The following SLC26A4 variants were observed in gnomAD, a reference collection of about 807,000 sequenced individuals.
SLC26A4 encodes the protein pendrin.
Under a neutral mutation model 90.4 loss-of-function variants are expected in SLC26A4, and 93 were observed. That is an observed-to-expected ratio of 1.03 (90% confidence interval 0.87 to 1.22). The LOEUF is 1.22. SLC26A4 is among the 50% of genes most tolerant of loss of function. The pLI is 0.00. For synonymous variants in SLC26A4, 393 were observed against 354.6 expected (o/e 1.11, Z -1.22); for missense variants, 1,127 against 946.2 (o/e 1.19, Z -2.51).
intron 2 of SLC26A4, among the ~76,000 whole-genome samples, chr7:107,662,601 C>T (rs1310889794): frequency 6.6e-6 from 1 of 152,154 alleles, no homozygotes; most frequent in Non-Finnish European, 1.5e-5. Flanking sequence ...TATTTTACTG[C>T]ATATCTTTAA....
At chr7:107,701,288 T>G in intron 16 of SLC26A4, 92 bp downstream of exon 16, 1 of 799,660 alleles carries the variant, frequency 1.3e-6, no homozygotes, top group Non-Finnish European at 2.2e-6. Flanking sequence ...TCCTCTTTAG[T>G]ATCCAGATGT....
At chr7:107,708,023 G>A (rs1286152636) in intron 18 of SLC26A4, among the ~76,000 whole-genome samples, 1 of 152,144 alleles carries the variant, frequency 6.6e-6, no homozygotes, top group African/African-American at 2.4e-5. Context: ...TGAAATCTCT[G>A]TTTTCTAGGC....
At position 107,692,117 on chromosome 7, in the gene SLC26A4, T is replaced by C. The variant is rs1423606788; in HGVS notation, c.1263+1880T>C. 4 of 1,283,712 alleles carry C rather than the reference T, an allele frequency of 3.1e-6. No homozygotes were observed. The South Asian group carries it at 5.0e-5, about 16-fold the overall frequency. The allele number at this position is 1,283,712 out of a possible 1,614,324, so 79.5% of individuals were successfully genotyped here. Reference sequence around the variant, plus strand: ...GTAAAGTGACCTCCTTGGCACAGGGTTTGGGGGATAATGGTGCTCTGGTAA... The same window carrying C: ...GTAAAGTGACCTCCTTGGCACAGGGCTTGGGGGATAATGGTGCTCTGGTAA... On this transcript the variant is annotated intron_variant, in intron 10 of 20. Coordinates refer to ENST00000644269, the MANE Select transcript of SLC26A4 (RefSeq NM_000441.2).
In SLC26A4 at chr7:107,683,198, A is replaced by T; in HGVS notation, c.766-4A>T. ...AAGTATATAAAATTATTTTCTTTTT[A>T]TAGACGCTGGTTGAGATTTTTCAAA... On this transcript the variant is annotated splice_region_variant and splice_polypyrimidine_tract_variant and intron_variant, in intron 6 of 20. Transcript: ENST00000644269. 1.2e-6 allele frequency: 2 copies of T among 1,610,132 alleles called. No homozygotes were observed. The highest frequency in any genetic ancestry group is 1.7e-6 in the Non-Finnish European group (2 of 1,178,302).
intron 17 of SLC26A4, among the ~76,000 whole-genome samples, chr7:107,703,180 T>C (rs965477326): frequency 2.0e-5 from 3 of 152,142 alleles, no homozygotes; most frequent in Admixed American, 2.0e-4. Flanking sequence ...ATAACAATTG[T>C]AGTAAGTGCT....
chr7:107,682,502 G>T (rs1448576167), intron 6 of SLC26A4, among the ~76,000 whole-genome samples: 1 of 151,944 alleles, frequency 6.6e-6, no homozygotes, highest in Non-Finnish European at 1.5e-5. Flanking sequence ...GCTTTTCTTT[G>T]CCAGAAAGAA....
At chr7:107,686,267 TCCTTCCCTC>T (rs1219789564) in intron 8 of SLC26A4, among the ~76,000 whole-genome samples, 15 of 142,026 alleles carry the variant, frequency 1.1e-4, no homozygotes, top group African/African-American at 2.1e-4. Context: ...TTTCTTCCCT[TCCTTCCCTC>T]CCTTCCCTCC....
chr7:107,664,056 A>G (rs528573009), intron 3 of SLC26A4, among the ~76,000 whole-genome samples: 1 of 152,230 alleles, frequency 6.6e-6, no homozygotes, highest in South Asian at 2.1e-4. Context: ...TTAAAAAAAA[A>G]AAAGAAATGT....
chr7:107,668,322 G>C (rs1238490742), intron 3 of SLC26A4, among the ~76,000 whole-genome samples: 2 of 152,220 alleles, frequency 1.3e-5, no homozygotes, highest in African/African-American at 2.4e-5. Flanking sequence ...GGAGGATAGA[G>C]AGAAAGTGGA....
At chr7:107,688,638 T>C (rs940481638) in intron 8 of SLC26A4, among the ~76,000 whole-genome samples, 4 of 152,262 alleles carry the variant, frequency 2.6e-5, no homozygotes, top group Non-Finnish European at 2.9e-5. Context: ...ACAGAGCTGA[T>C]ACCTCTTCAA....
intron 10 of SLC26A4, chr7:107,692,201 A>G: frequency 1.6e-6 from 1 of 631,112 alleles, no homozygotes; most frequent in Non-Finnish European, 2.2e-6. Flanking sequence ...GGATGCCAGG[A>G]TTTCAGCATT....
intron 4 of SLC26A4, 45 bp from the exon 5 acceptor site, chr7:107,674,119 T>C (rs759390797): frequency 3.9e-6 from 6 of 1,555,936 alleles, no homozygotes; most frequent in Non-Finnish European, 5.3e-6. Context: ...CATTGAACAT[T>C]TGTGATTAAT....
intron 12 of SLC26A4, among the ~76,000 whole-genome samples, 157 bp from the exon 13 acceptor site, chr7:107,695,776 G>A (rs1289912441): frequency 6.6e-6 from 1 of 151,966 alleles, no homozygotes; most frequent in Non-Finnish European, 1.5e-5. Context: ...TGGTGCCACT[G>A]CACTCCAGCC....
chr7:107,685,981 C>A (rs1177226258), intron 8 of SLC26A4, among the ~76,000 whole-genome samples: 1 of 150,866 alleles, frequency 6.6e-6, no homozygotes, highest in Non-Finnish European at 1.5e-5. Context: ...CCTGTCCTTG[C>A]CAGTTCCAGA....
intron 4 of SLC26A4, 74 bp downstream of exon 4, chr7:107,672,322 C>A: frequency 3.6e-6 from 3 of 831,862 alleles, no homozygotes; most frequent in Non-Finnish European, 5.9e-6. Flanking sequence ...TGCATTATAC[C>A]TCTATTAGGT....
intron 3 of SLC26A4, among the ~76,000 whole-genome samples, chr7:107,669,101 G>A (rs1253180512): frequency 3.9e-5 from 6 of 151,986 alleles, no homozygotes; most frequent in African/African-American, 1.2e-4. Context: ...GAAATTACAG[G>A]CATGTACCAA....
At chr7:107,690,268 C>A in intron 10 of SLC26A4, 31 bp downstream of exon 10, 1 of 1,279,274 alleles carries the variant, frequency 7.8e-7, no homozygotes, top group Non-Finnish European at 1.1e-6. Context: ...ATATCCATCT[C>A]AGAGAACAAG....
intron 3 of SLC26A4, among the ~76,000 whole-genome samples, chr7:107,664,307 G>A (rs988771926): frequency 4.6e-5 from 7 of 152,166 alleles, no homozygotes; most frequent in African/African-American, 1.4e-4. Context: ...TTGGCTCAAT[G>A]CAACCTCTCT....
chr7:107,695,679 T>C (rs1283697837), intron 12 of SLC26A4, among the ~76,000 whole-genome samples: 3 of 152,046 alleles, frequency 2.0e-5, no homozygotes, highest in African/African-American at 4.8e-5. Flanking sequence ...TTTGGTGGTA[T>C]GTACTTGTGG....
Sources: gnomAD v4.1 joint callset for allele counts (sites outside exome capture counted in the v4.1 genomes callset) on GRCh38, gnomAD v4.1.1 for gene constraint, MANE v1.5 for transcripts, NCBI Gene and HGNC (gene_info 2026-07-23, HGNC 2026-07-21) for gene names.